The following CHIC1 variants were observed in gnomAD, a reference collection of about 807,000 sequenced individuals.
CHIC1 encodes the protein cysteine-rich hydrophobic domain-containing protein 1.
In CHIC1, 7 loss-of-function variants were observed where a neutral mutation model predicts 18.5. The ratio of observed to expected loss-of-function variants is 0.38; its 90% CI spans 0.22 to 0.71. The LOEUF is 0.71. Ranked by LOEUF, CHIC1 falls within the 30% of genes least tolerant of loss-of-function variation. The probability of loss-of-function intolerance (pLI) is 0.49; values close to 1 mark genes in which losing one functional copy is unlikely to be tolerated. For synonymous variants in CHIC1, 77 were observed against 73.5 expected (o/e 1.05, Z -0.25); for missense variants, 159 against 176.9 (o/e 0.90, Z 0.57).
intron 3 of CHIC1, among the ~76,000 whole-genome samples, chrX:73,669,695 TC>T (rs1603350487): frequency 8.9e-6 from 1 of 111,799 alleles, no homozygotes; most frequent in African/African-American, 3.3e-5. Context: ...AGCCCCTTTC[TC>T]CTCCAGACCA....
rs1441258979 is a variant in CHIC1 at position 73,680,994 on chromosome X, C to T, written c.664C>T (p.Arg222Ter). 2 of 1,110,271 alleles carry T rather than the reference C, an allele frequency of 1.8e-6. No homozygotes were observed. Among genetic ancestry groups the T allele is most frequent in the Non-Finnish European group, 2.4e-6 (2 of 826,404 alleles). The allele number at this position is 1,110,271 out of a possible 1,213,427, so 91.5% of individuals were successfully genotyped here. Reference protein sequence around the residue: ...IEFLPKYPIFRPD With the variant: ...IEFLPKYPIF The stretch of plus-strand genomic sequence containing the variant: ...ATTCTTACCAAAATATCCCATATTC[C>T]GACCTGACTGAGGAGTTTTATCCAG... Residue 222 changes from arginine (R) to a stop codon, truncating the protein, a stop_gained, in exon 6 of 6, where the codon CGA becomes TGA. Coordinates refer to ENST00000373502, the MANE Select transcript of CHIC1 (RefSeq NM_001039840.4). LOFTEE classifies it high-confidence loss of function.
At chrX:73,591,094 G>A (rs772040376) in intron 3 of CHIC1, among the ~76,000 whole-genome samples, 18 of 111,635 alleles carry the variant, frequency 1.6e-4, no homozygotes, top group Admixed American at 4.8e-4. Flanking sequence ...CTTCATCAAC[G>A]TTTGGTGTTG....
chrX:73,615,367 C>T (rs541714934), intron 3 of CHIC1, among the ~76,000 whole-genome samples: 3 of 111,377 alleles, frequency 2.7e-5, no homozygotes, highest in South Asian at 7.7e-4. Context: ...AGTGGTGGGC[C>T]GGTTGGGTGG....
intron 3 of CHIC1, among the ~76,000 whole-genome samples, chrX:73,669,933 G>A (rs2058021961): frequency 1.8e-5 from 2 of 112,009 alleles, no homozygotes; most frequent in African/African-American, 6.5e-5. Flanking sequence ...CTGAGTTGCA[G>A]ACACATTCAT....
chrX:73,563,366 TCGTCGTCGTCGC>T lies in CHIC1; in HGVS notation c.94_105del (p.Pro32_Ser35del), dbSNP rs764069325. 2.6e-6 allele frequency: 3 copies of T among 1,149,259 alleles called. No homozygotes were observed. The highest frequency in any genetic ancestry group is 2.0e-5 in the South Asian group (1 of 50,114). 94.7% of individuals were successfully genotyped at this position (1,149,259 alleles called of 1,213,427 possible). On this transcript the variant is annotated inframe_deletion, in exon 1 of 6. Coordinates refer to ENST00000373502, the MANE Select transcript of CHIC1 (RefSeq NM_001039840.4). ...GGAGGAGGAAGAAGAAGCGGCAACG[TCGTCGTCGTCGC>T]CGTCGTCGTCGTCGTCGGTATCTGG... is the stretch of plus-strand genomic sequence containing the variant.
chrX:73,673,791 T>A (rs1170716451), intron 3 of CHIC1, among the ~76,000 whole-genome samples: 2 of 111,920 alleles, frequency 1.8e-5, no homozygotes, highest in Non-Finnish European at 3.8e-5. Context: ...CTATGTTGAA[T>A]AGGAATAGTG....
intron 2 of CHIC1, among the ~76,000 whole-genome samples, chrX:73,582,259 G>A (rs1461037900): frequency 2.7e-5 from 3 of 110,403 alleles, no homozygotes; most frequent in African/African-American, 9.8e-5. Flanking sequence ...AAATATGTTA[G>A]CTATTCTGGA....
chrX:73,676,024 G>GA (rs1209630642), intron 3 of CHIC1, among the ~76,000 whole-genome samples: 1 of 111,628 alleles, frequency 9.0e-6, no homozygotes, highest in Non-Finnish European at 1.9e-5. Context: ...ATTCTGGGTT[G>GA]AAAATTCTTT....
At chrX:73,648,912 G>A (rs2057902458) in intron 3 of CHIC1, among the ~76,000 whole-genome samples, 1 of 111,276 alleles carries the variant, frequency 9.0e-6, no homozygotes, top group Non-Finnish European at 1.9e-5. Flanking sequence ...ACTCTCCAAG[G>A]TCAAAATGAA....
intron 3 of CHIC1, among the ~76,000 whole-genome samples, chrX:73,637,545 C>T (rs764305101): frequency 3.6e-5 from 4 of 110,411 alleles, no homozygotes; most frequent in South Asian, 3.9e-4. Flanking sequence ...AGTCCCTGCT[C>T]ATTTTTCTTC....
At chrX:73,586,594 T>C (rs897338585) in intron 3 of CHIC1, among the ~76,000 whole-genome samples, 5 of 112,115 alleles carry the variant, frequency 4.5e-5, no homozygotes, top group African/African-American at 6.5e-5. Flanking sequence ...ATTGGAAGTA[T>C]GATTCACATT....
At chrX:73,654,361 T>C (rs1249846966) in intron 3 of CHIC1, among the ~76,000 whole-genome samples, 1 of 112,212 alleles carries the variant, frequency 8.9e-6, no homozygotes, top group Non-Finnish European at 1.9e-5. Flanking sequence ...TGTTGCGCTA[T>C]CCTTACATTC....
At chrX:73,611,922 C>T (rs2057710658) in intron 3 of CHIC1, among the ~76,000 whole-genome samples, 1 of 108,102 alleles carries the variant, frequency 9.3e-6, no homozygotes, top group South Asian at 3.9e-4. Context: ...GGATATTAGC[C>T]CTTTGTCAGA....
At chrX:73,638,761 T>C (rs1187748822) in intron 3 of CHIC1, among the ~76,000 whole-genome samples, 3 of 111,664 alleles carry the variant, frequency 2.7e-5, no homozygotes, top group African/African-American at 6.5e-5. Flanking sequence ...CTCCCACTTA[T>C]AAGTGAGAAC....
chrX:73,597,576 T>C (rs1251309672), intron 3 of CHIC1, among the ~76,000 whole-genome samples: 1 of 106,093 alleles, frequency 9.4e-6, no homozygotes, highest in Non-Finnish European at 1.9e-5. Context: ...CATAATTATA[T>C]ATATACATAT....
At chrX:73,585,574 A>G (rs183980907) in intron 3 of CHIC1, among the ~76,000 whole-genome samples, 6 of 111,528 alleles carry the variant, frequency 5.4e-5, no homozygotes, top group Non-Finnish European at 9.4e-5. Flanking sequence ...TAATTGTCAT[A>G]TCTTACTTTT....
At chrX:73,674,434 A>T (rs1421085960) in intron 3 of CHIC1, among the ~76,000 whole-genome samples, 2 of 111,810 alleles carry the variant, frequency 1.8e-5, no homozygotes, top group Non-Finnish European at 3.8e-5. Context: ...CTATTCAGAG[A>T]TTCAACTTCT....
At chrX:73,661,136 G>A (rs1483248491) in intron 3 of CHIC1, among the ~76,000 whole-genome samples, 2 of 111,811 alleles carry the variant, frequency 1.8e-5, no homozygotes, top group African/African-American at 6.5e-5. Context: ...ATTGTGAGCT[G>A]GCATAAGCCA....
chrX:73,662,790 T>A (rs954939633), intron 3 of CHIC1, among the ~76,000 whole-genome samples: 4 of 110,946 alleles, frequency 3.6e-5, no homozygotes, highest in Non-Finnish European at 7.5e-5. Flanking sequence ...TTAACTGTAT[T>A]CTTTACAACA....
Sources: gnomAD v4.1 joint callset for allele counts (sites outside exome capture counted in the v4.1 genomes callset) on GRCh38, gnomAD v4.1.1 for gene constraint, MANE v1.5 for transcripts, NCBI Gene and HGNC (gene_info 2026-07-23, HGNC 2026-07-21) for gene names.